NTMT1: variants seen among roughly 807,000 people sequenced by gnomAD.
NTMT1 encodes the protein N-terminal RCC1 methyltransferase.
In NTMT1, 8 loss-of-function variants were observed where a neutral mutation model predicts 17.5. That is an observed-to-expected ratio of 0.46 (90% CI 0.27 to 0.82). The LOEUF (loss-of-function observed/expected upper bound fraction) is 0.82. Among genes scored for constraint, NTMT1 ranks in the 40% least tolerant of loss-of-function variants. NTMT1 has a pLI of 0.15. For synonymous variants in NTMT1, 128 were observed against 126.8 expected, an observed-to-expected ratio of 1.01 and a Z score of -0.06; for missense variants, 221 against 303.5, an observed-to-expected ratio of 0.73 and a Z score of 2.02.
chr9:129,620,461 G>A lies in NTMT1; in HGVS notation c.-55+11283G>A, dbSNP rs1036611530. 1 of 1,333,802 alleles carries A rather than the reference G, an allele frequency of 7.5e-7. No homozygotes were observed. The highest frequency in any genetic ancestry group is 1.8e-5 in the South Asian group (1 of 54,206). 82.6% of individuals were successfully genotyped at this position (1,333,802 alleles called of 1,614,324 possible). On this transcript the variant is annotated intron_variant, in intron 1 of 3. Coordinates refer to the NTMT1 transcript ENST00000372486. The surrounding 1 kb of genome is among the most constrained non-coding windows in gnomAD (Gnocchi z 5.8). ...GCGCGCCCAGAGCCGCTCGGAGCGC[G>A]GGCGGGGTCAGCTTGGGCAGCCGCG...
upstream of NTMT1, among the ~76,000 whole-genome samples, chr9:129,621,692 C>T (rs1343328429): frequency 6.6e-6 from 1 of 152,186 alleles, no homozygotes; most frequent in Non-Finnish European, 1.5e-5. Context: ...TAACAAACTC[C>T]CCCTTTGGGA....
rs1486053844 is a variant in NTMT1, at chr9:129,614,632, G to A, written c.-55+5454G>A. Among the ~76,000 whole-genome samples the A allele has an allele frequency of 2.0e-5, 3 of 152,192 alleles. No homozygotes were observed. The highest frequency in any genetic ancestry group is 2.1e-4 in the South Asian group (1 of 4,820). On this transcript the variant is annotated intron_variant, in intron 1 of 3. Coordinates refer to the NTMT1 transcript ENST00000372486. This position sits in a 1 kb window ranked among gnomAD's most constrained non-coding sequence, Gnocchi z 4.4. ...AAATTCACTGGGAATGGCCAGGCGC[G>A]GTGGCTCATGCCTGTAATCCCAGCA...
chr9:129,608,881 C>A (rs1170745512), upstream of NTMT1: 1 of 152,740 alleles, frequency 6.5e-6, no homozygotes, highest in Non-Finnish European at 1.5e-5. Flanking sequence ...CCTGATCCTC[C>A]CTGCTCCGAG....
chr9:129,633,978 T>C, intron 2 of NTMT1, 76 bp from the exon 3 acceptor site: 1 of 1,511,468 alleles, frequency 6.6e-7, no homozygotes, highest in Non-Finnish European at 8.9e-7. Flanking sequence ...TGAGTCTAAG[T>C]CCTAGGGCTC....
intron 1 of NTMT1, among the ~76,000 whole-genome samples, chr9:129,611,464 G>A (rs1399376700): frequency 6.6e-6 from 1 of 152,190 alleles, no homozygotes; most frequent in Non-Finnish European, 1.5e-5. Flanking sequence ...AGAAACCGTG[G>A]GCCCCAGCCC....
intron 1 of NTMT1, chr9:129,615,660 A>G: frequency 6.5e-7 from 1 of 1,528,214 alleles, no homozygotes; most frequent in South Asian, 1.2e-5. Context: ...GAGAGAGGGG[A>G]GAGGGGCCTG....
At chr9:129,615,814 G>C (rs889042284) in intron 1 of NTMT1, among the ~76,000 whole-genome samples, 2 of 152,222 alleles carry the variant, frequency 1.3e-5, no homozygotes, top group Non-Finnish European at 2.9e-5. Flanking sequence ...CTTCCTACCT[G>C]CCAGGCAGGC....
chr9:129,619,594 C>CAG, intron 1 of NTMT1: 1 of 1,614,034 alleles, frequency 6.2e-7, no homozygotes, highest in Middle Eastern at 1.6e-4. Flanking sequence ...TCTGCTGGAG[C>CAG]GAAATCTTCG....
upstream of NTMT1, among the ~76,000 whole-genome samples, chr9:129,625,120 C>G (rs1293233356): frequency 1.3e-5 from 2 of 152,294 alleles, no homozygotes; most frequent in South Asian, 2.1e-4. Context: ...CCTCTTCTGA[C>G]AGGAGACTGA....
chr9:129,635,253 A>G lies in NTMT1; in HGVS notation c.461A>G (p.Lys154Arg), dbSNP rs777594770. Residue 154 changes from lysine (K) to arginine (R), a missense_variant, in exon 4 of 4, where the codon AAG becomes AGG. Coordinates refer to ENST00000372483, the MANE Select transcript of NTMT1 (RefSeq NM_014064.4). Reference sequence around the variant, plus strand: ...CTGGCCGAGTTCCTGCGGCGCTGCAAGGGCAGCCTCCGCCCCAACGGCATC... The same window carrying G: ...CTGGCCGAGTTCCTGCGGCGCTGCAGGGGCAGCCTCCGCCCCAACGGCATC... ...QHLAEFLRRC[K>R]GSLRPNGIIV... 1.9e-5 allele frequency: 31 copies of G among 1,612,964 alleles called. No individual in the cohort carries two copies. The highest frequency in any genetic ancestry group is 2.5e-5 in the Non-Finnish European group (29 of 1,180,018).
At chr9:129,625,195 A>T (rs1462535879), upstream of NTMT1, among the ~76,000 whole-genome samples, 1 of 152,136 alleles carries the variant, frequency 6.6e-6, no homozygotes, top group African/African-American at 2.4e-5. Context: ...GCTGCCTCGG[A>T]GATAGCTCCA....
At chr9:129,632,530 TTC>T (rs2118960340) in intron 1 of NTMT1, 118 bp from the exon 2 acceptor site, 2 of 682,756 alleles carry the variant, frequency 2.9e-6, no homozygotes, top group East Asian at 2.8e-5. Flanking sequence ...GACCCTGGAC[TTC>T]TCTCTGCACT....
At chr9:129,619,902 G>T (rs1588124085) in intron 1 of NTMT1, 1 of 1,544,904 alleles carries the variant, frequency 6.5e-7, no homozygotes, top group East Asian at 2.3e-5. Context: ...GCCTCGGGGT[G>T]ATGGCAGACC....
chr9:129,610,931 C>T (rs1830101283), intron 1 of NTMT1, among the ~76,000 whole-genome samples: 1 of 152,188 alleles, frequency 6.6e-6, no homozygotes, highest in Non-Finnish European at 1.5e-5. Context: ...ACTCCTCGTC[C>T]TAGATGTGTC....
rs1830234720 is a variant in NTMT1 at position 129,614,200 on chromosome 9, C to T, written c.-55+5022C>T. ...CCTGGCCTTGGATTCCCAAGAGGGGCCCGGGGTCACTCTGGCTTCTATATG... is the reference window on the plus strand; with the variant it reads ...CCTGGCCTTGGATTCCCAAGAGGGGTCCGGGGTCACTCTGGCTTCTATATG... On this transcript the variant is annotated intron_variant, in intron 1 of 3. Transcript: ENST00000372486. The surrounding 1 kb of genome is among the most constrained non-coding windows in gnomAD (Gnocchi z 4.4). Among the ~76,000 whole-genome samples the T allele has an allele frequency of 6.6e-6, 1 of 152,172 alleles. No individual in the cohort carries two copies. Among genetic ancestry groups the T allele is most frequent in the South Asian group, 2.1e-4 (1 of 4,836 alleles).
In NTMT1 at chr9:129,635,533, C is replaced by G. The variant is rs1169621485; in HGVS notation, c.*69C>G. Reference sequence around the variant, plus strand: ...GGGGAGCTGGCAGCTGGGCAAGATCCAGGCGCCACGCTGGCGGTTCGTGAG... The same window carrying G: ...GGGGAGCTGGCAGCTGGGCAAGATCGAGGCGCCACGCTGGCGGTTCGTGAG... On this transcript the variant is annotated 3_prime_UTR_variant, in exon 4 of 4. Transcript: ENST00000372483. The G allele has an allele frequency of 1.3e-6, 2 of 1,542,558 alleles. No individual in the cohort carries two copies. The highest frequency in any genetic ancestry group is 1.8e-6 in the Non-Finnish European group (2 of 1,141,126).
chr9:129,633,961 C>A, intron 2 of NTMT1, 93 bp from the exon 3 acceptor site: 1 of 1,430,106 alleles, frequency 7.0e-7, no homozygotes, highest in Admixed American at 2.4e-5. Flanking sequence ...GTCCTGGAAT[C>A]CTGACTTGAG....
chr9:129,631,623 C>T (rs1588139370), intron 1 of NTMT1, among the ~76,000 whole-genome samples: 1 of 152,232 alleles, frequency 6.6e-6, no homozygotes, highest in African/African-American at 2.4e-5. Flanking sequence ...GTGGTTGACT[C>T]ATTGCTCTGT....
rs1830240111 is a variant in NTMT1, at chr9:129,614,322, C to T, written c.-55+5144C>T. Among the ~76,000 whole-genome samples the T allele has an allele frequency of 1.3e-5, 2 of 152,188 alleles. No homozygotes were observed. Among genetic ancestry groups the T allele is most frequent in the East Asian group, 1.9e-4 (1 of 5,196 alleles). On this transcript the variant is annotated intron_variant, in intron 1 of 3. Transcript: ENST00000372486. The surrounding 1 kb of genome is among the most constrained non-coding windows in gnomAD (Gnocchi z 4.4). ...TGGGCAAAAATCACAGCTTCTAACT[C>T]CAGCTTCCTGTCACGCTAAGGAGGC...
Sources: allele counts gnomAD v4.1 joint callset (sites outside exome capture counted in the v4.1 genomes callset), GRCh38; gene constraint gnomAD v4.1.1; non-coding constraint Gnocchi (gnomAD v3.1); transcripts MANE v1.5; gene names NCBI Gene and HGNC (gene_info 2026-07-23, HGNC 2026-07-21).